AADAT: variants seen among roughly 807,000 people sequenced by gnomAD.
AADAT encodes the protein aminoadipate aminotransferase, also known as kynurenine/alpha-aminoadipate aminotransferase, mitochondrial.
Under a neutral mutation model 56.2 loss-of-function variants are expected in AADAT, and 25 were observed. That is an observed-to-expected ratio of 0.44 (90% CI 0.32 to 0.62). The LOEUF (loss-of-function observed/expected upper bound fraction) is 0.62, where lower values mean the gene tolerates loss of function less well. AADAT is among the 20% of genes least tolerant of loss of function. The pLI, the probability that AADAT is intolerant of heterozygous loss-of-function variation, is 0.04. For synonymous variants in AADAT, 173 were observed against 164.7 expected (o/e 1.05, Z -0.39); for missense variants, 387 against 510.5 (o/e 0.76, Z 2.33).
At chr4:170,085,231 G>A (rs911204251) in intron 3 of AADAT, among the ~76,000 whole-genome samples, 5 of 152,160 alleles carry the variant, frequency 3.3e-5, no homozygotes, top group African/African-American at 1.2e-4. Context: ...TGTTTTGGAG[G>A]AGTCAAAAGT....
chr4:170,067,964 C>A (rs1376818278), intron 8 of AADAT, among the ~76,000 whole-genome samples: 1 of 151,914 alleles, frequency 6.6e-6, no homozygotes, highest in Non-Finnish European at 1.5e-5. Flanking sequence ...CATGGTGAAA[C>A]TCTGTCTCTA....
At position 170,085,845 on chromosome 4, in the gene AADAT, A is replaced by G. The variant is rs187453055; in HGVS notation, c.369+1271T>C. On this transcript the variant is annotated intron_variant, in intron 3 of 12. Coordinates refer to ENST00000337664, the MANE Select transcript of AADAT (RefSeq NM_016228.4). ...CCCATTATTCTGTAACAATAATTTA[A>G]TTAAAATTCATTAAAGCAAACCAGA... Among the ~76,000 whole-genome samples the G allele has an allele frequency of 3.2e-4, 48 of 152,312 alleles. No homozygotes were observed. The East Asian group carries it at 8.9e-3, about 28-fold the overall frequency.
At chr4:170,092,728 G>T (rs1448883471), upstream of AADAT, among the ~76,000 whole-genome samples, 2 of 152,228 alleles carry the variant, frequency 1.3e-5, no homozygotes, top group East Asian at 3.8e-4. Context: ...TTTCTCGCAG[G>T]CATGTTGACA....
intron 7 of AADAT, 104 bp from the exon 8 acceptor site, chr4:170,068,791 G>T: frequency 1.4e-6 from 1 of 707,108 alleles, no homozygotes; most frequent in Non-Finnish European, 2.3e-6. Context: ...GGGGACAAAA[G>T]GATCTAGATA....
At chr4:170,091,637 AG>A (rs1732840175), upstream of AADAT, 1 of 152,924 alleles carries the variant, frequency 6.5e-6, no homozygotes, top group Admixed American at 6.5e-5. Context: ...CGGGACTGGC[AG>A]GCAGCTCCAC....
chr4:170,073,259 T>A lies in AADAT; in HGVS notation c.531A>T (p.Arg177Ser). The A allele has an allele frequency of 6.2e-7, 1 of 1,614,146 alleles. No individual in the cohort carries two copies. The highest frequency in any genetic ancestry group is 1.3e-5 in the African/African-American group (1 of 75,032). Residue 177 changes from arginine (R) to serine (S), a missense_variant, in exon 5 of 13, where the codon AGA becomes AGT. Physicochemically the swap from Arg to Ser is moderately radical, Grantham distance 110 (BLOSUM62 -1). Transcript: ENST00000337664. Reference sequence around the variant, plus strand: ...GATTCTTTGCATCTTCTGGTTTCCATCTGGAAAGTATGTCTCTTAGGGAAT... The same window carrying A: ...GATTCTTTGCATCTTCTGGTTTCCAACTGGAAAGTATGTCTCTTAGGGAAT... ...VPDSLRDILS[R>S]WKPEDAKNPQ...
intron 7 of AADAT, 26 bp from the exon 8 acceptor site, chr4:170,068,713 T>C (rs1486365259): frequency 7.0e-7 from 1 of 1,433,508 alleles, no homozygotes. Context: ...AAAGGCACGA[T>C]ACCAATTCCA....
At chr4:170,091,270 G>A (rs547223017), upstream of AADAT, among the ~76,000 whole-genome samples, 134 of 152,302 alleles carry the variant, frequency 8.8e-4, no homozygotes, top group African/African-American at 3.0e-3. Flanking sequence ...GCGGGCGCTT[G>A]CGAGCCAGCT....
intron 3 of AADAT, 134 bp downstream of exon 3, chr4:170,086,982 T>A: frequency 7.7e-7 from 1 of 1,304,646 alleles, no homozygotes; most frequent in Non-Finnish European, 1.1e-6. Context: ...GTTCCCTGTT[T>A]ATAATTCTAG....
At chr4:170,063,344 G>A (rs1180960537) in intron 11 of AADAT, among the ~76,000 whole-genome samples, 1 of 152,084 alleles carries the variant, frequency 6.6e-6, no homozygotes, top group East Asian at 1.9e-4. Context: ...AGGATATATG[G>A]GATAAATGAA....
intron 4 of AADAT, 117 bp from the exon 5 acceptor site, chr4:170,073,462 A>G: frequency 1.2e-6 from 1 of 842,914 alleles, no homozygotes; most frequent in Non-Finnish European, 1.8e-6. Flanking sequence ...AAATATATAA[A>G]CCCGCAACCA....
upstream of AADAT, among the ~76,000 whole-genome samples, chr4:170,094,096 G>A (rs1216486678): frequency 6.6e-6 from 1 of 152,158 alleles, no homozygotes; most frequent in African/African-American, 2.4e-5. Flanking sequence ...ACGGTTGGGG[G>A]TGCTGATTGA....
Position 170,062,771 on chromosome 4 carries a change from T to A in AADAT, c.1135-778A>T, listed in dbSNP as rs192222058. Reference sequence around the variant, plus strand: ...GTAAGAGATGTCTAAGGTTGGCCCATACAAATCATCCCATGTGTGATCTGC... The same window carrying A: ...GTAAGAGATGTCTAAGGTTGGCCCAAACAAATCATCCCATGTGTGATCTGC... On this transcript the variant is annotated intron_variant, in intron 11 of 12. Coordinates refer to ENST00000337664, the MANE Select transcript of AADAT (RefSeq NM_016228.4). Among the ~76,000 whole-genome samples, 317 of 152,322 alleles carry A rather than the reference T, an allele frequency of 2.1e-3. 1 individual carries two copies. The highest frequency in any genetic ancestry group is 0.01 in the Middle Eastern group (3 of 294).
intron 5 of AADAT, among the ~76,000 whole-genome samples, chr4:170,071,517 G>GT (rs1406498502): frequency 6.6e-6 from 1 of 152,196 alleles, no homozygotes; most frequent in Non-Finnish European, 1.5e-5. Flanking sequence ...CAGACCGACC[G>GT]TGTTACCTAG....
chr4:170,063,300 A>G (rs531093549), intron 11 of AADAT, among the ~76,000 whole-genome samples: 1 of 152,308 alleles, frequency 6.6e-6, no homozygotes, highest in East Asian at 1.9e-4. Flanking sequence ...AAAGCTGGAG[A>G]TTATTTAGAA....
In AADAT at chr4:170,073,411, T is replaced by A. The variant is rs1731869837; in HGVS notation, c.445-66A>T. ...AAATGTAAGTGCTATTGGTTTTTTT[T>A]TTTTCTTTCTAACTAAGAACTTGCT... On this transcript the variant is annotated intron_variant, in intron 4 of 12. Transcript: ENST00000337664. 2.3e-5 allele frequency: 33 copies of A among 1,424,346 alleles called. No homozygotes were observed. The South Asian group carries it at 3.8e-4, about 16-fold the overall frequency. 88.2% of individuals were successfully genotyped at this position (1,424,346 alleles called of 1,614,324 possible).
chr4:170,070,487 G>A (rs575133241), intron 6 of AADAT, 100 bp downstream of exon 6: 3 of 752,738 alleles, frequency 4.0e-6, no homozygotes, highest in East Asian at 2.9e-5. Flanking sequence ...TGTAAAAGTG[G>A]ATTAGTTCTG....
chr4:170,076,878 A>G (rs1000700408), intron 4 of AADAT, among the ~76,000 whole-genome samples: 1 of 152,106 alleles, frequency 6.6e-6, no homozygotes, highest in Non-Finnish European at 1.5e-5. Context: ...TTTTGAGTTA[A>G]ATTTTCATAT....
chr4:170,089,451 T>C (rs1397185688), intron 1 of AADAT, 173 bp downstream of exon 1: 13 of 719,816 alleles, frequency 1.8e-5, no homozygotes, highest in South Asian at 3.5e-5. Context: ...CCCGAGTTCT[T>C]TGAGAACAAA....
Sources: gnomAD v4.1 joint callset for allele counts (sites outside exome capture counted in the v4.1 genomes callset) on GRCh38, gnomAD v4.1.1 for gene constraint, MANE v1.5 for transcripts, NCBI Gene and HGNC (gene_info 2026-07-23, HGNC 2026-07-21) for gene names.